The following ARID1B variants were observed in gnomAD, a reference collection of about 807,000 sequenced individuals.
ARID1B encodes the protein AT-rich interaction domain 1B, also known as AT-rich interactive domain-containing protein 1B.
ARID1B carries 30 observed loss-of-function variants against 212.3 expected under a neutral mutation model. That is an observed-to-expected ratio of 0.14 (90% CI 0.11 to 0.19). The LOEUF (loss-of-function observed/expected upper bound fraction) is 0.19. ARID1B is among the 10% of genes least tolerant of loss of function. The probability of loss-of-function intolerance (pLI) is 1.00; values close to 1 mark genes in which losing one functional copy is unlikely to be tolerated. For missense variants in ARID1B, 2,891 were observed against 3,204.0 expected (o/e 0.90, Z 2.36); for synonymous variants, 1,402 against 1,301.7 (o/e 1.08, Z -1.66).
At chr6:156,914,564 T>C (rs1272094958) in intron 3 of ARID1B, among the ~76,000 whole-genome samples, 1 of 152,222 alleles carries the variant, frequency 6.6e-6, no homozygotes, top group African/African-American at 2.4e-5. Context: ...CCCTCTTTTT[T>C]TGTGGCTCTA....
chr6:157,003,793 G>A (rs1413746271), intron 4 of ARID1B, among the ~76,000 whole-genome samples: 3 of 152,106 alleles, frequency 2.0e-5, no homozygotes, highest in African/African-American at 7.2e-5. Flanking sequence ...GGCTGAAACA[G>A]TCCTCCTGCC....
chr6:156,994,579 A>C (rs554704942), intron 4 of ARID1B, among the ~76,000 whole-genome samples: 1 of 152,290 alleles, frequency 6.6e-6, no homozygotes, highest in East Asian at 1.9e-4. Flanking sequence ...GGCAGCTTAA[A>C]AAAAAAAAGC....
chr6:157,143,440 G>C (rs1388078207), intron 7 of ARID1B, among the ~76,000 whole-genome samples: 1 of 150,284 alleles, frequency 6.7e-6, no homozygotes, highest in Non-Finnish European at 1.5e-5. Flanking sequence ...GAGTAGTTGG[G>C]GGGGGCATGA....
chr6:157,190,231 A>C lies in ARID1B; in HGVS notation c.4231+21A>C, dbSNP rs1177225537. On this transcript the variant is annotated intron_variant, in intron 15 of 19. Coordinates refer to ENST00000636930, the MANE Select transcript of ARID1B (RefSeq NM_001374828.1). This position sits in a 1 kb window ranked among gnomAD's most constrained non-coding sequence, Gnocchi z 4.6. ...AAAAGGTACGTGTAGAGGGGCCTCC[A>C]CCCGGCCATGGACCAGTGGGCATTC... 2 of 1,593,128 alleles carry C rather than the reference A, an allele frequency of 1.3e-6. No homozygotes were observed. Among genetic ancestry groups the C allele is most frequent in the Non-Finnish European group, 1.7e-6 (2 of 1,173,116 alleles).
chr6:156,977,821 G>A (rs1446131308), intron 4 of ARID1B, among the ~76,000 whole-genome samples: 1 of 152,068 alleles, frequency 6.6e-6, no homozygotes, highest in Non-Finnish European at 1.5e-5. Context: ...TTTAGTCTGG[G>A]ACCCAGGCAT....
At chr6:156,950,319 T>G (rs890913675) in intron 4 of ARID1B, among the ~76,000 whole-genome samples, 2 of 152,180 alleles carry the variant, frequency 1.3e-5, no homozygotes, top group Admixed American at 1.3e-4. Context: ...ATAACCGTAA[T>G]AGGAGCAACC....
chr6:157,015,547 C>T (rs935614521), intron 4 of ARID1B, among the ~76,000 whole-genome samples: 4 of 152,036 alleles, frequency 2.6e-5, no homozygotes, highest in African/African-American at 7.2e-5. Context: ...AAGAAAAGTG[C>T]GAAGACTGTC....
At chr6:157,025,563 A>G (rs1780605985) in intron 4 of ARID1B, among the ~76,000 whole-genome samples, 1 of 148,342 alleles carries the variant, frequency 6.7e-6, no homozygotes, top group African/African-American at 2.6e-5. Flanking sequence ...GGAATCATAC[A>G]GTGGGTGGCC....
At chr6:156,951,659 G>A (rs1562506604) in intron 4 of ARID1B, among the ~76,000 whole-genome samples, 1 of 151,996 alleles carries the variant, frequency 6.6e-6, no homozygotes, top group East Asian at 1.9e-4. Context: ...TAGCCAGGAT[G>A]GTCTCAATCT....
chr6:156,978,995 AT>A (rs1189211043), intron 4 of ARID1B, among the ~76,000 whole-genome samples: 3 of 152,182 alleles, frequency 2.0e-5, no homozygotes, highest in African/African-American at 7.2e-5. Flanking sequence ...TTTTAATGCT[AT>A]TGAATTGCTT....
At chr6:156,894,886 G>A (rs575938425) in intron 2 of ARID1B, among the ~76,000 whole-genome samples, 3 of 152,318 alleles carry the variant, frequency 2.0e-5, no homozygotes, top group Admixed American at 2.0e-4. Flanking sequence ...TCCATTGACT[G>A]TGGTGTGTGA....
At chr6:157,194,635 T>C (rs980488737) in intron 15 of ARID1B, 5 of 152,254 alleles carry the variant, frequency 3.3e-5, no homozygotes, top group Non-Finnish European at 7.3e-5. Context: ...GAAATAGTTG[T>C]ATTTCATCCC....
At chr6:156,823,298 G>A (rs1782498744) in intron 1 of ARID1B, among the ~76,000 whole-genome samples, 1 of 152,146 alleles carries the variant, frequency 6.6e-6, no homozygotes, top group African/African-American at 2.4e-5. Context: ...TTATAGCGCT[G>A]ATGAATTTAA....
At chr6:157,053,961 A>G (rs888362570) in intron 4 of ARID1B, among the ~76,000 whole-genome samples, 5 of 152,180 alleles carry the variant, frequency 3.3e-5, no homozygotes, top group Admixed American at 2.0e-4. Flanking sequence ...ACAGGGGCTC[A>G]TGCCTGTAAT....
chr6:157,176,739 G>A (rs1161347887), intron 11 of ARID1B, among the ~76,000 whole-genome samples: 6 of 152,102 alleles, frequency 3.9e-5, no homozygotes, highest in African/African-American at 2.4e-5. Context: ...CCAGCTACTC[G>A]GGAGGCTGAG....
At chr6:157,156,678 AC>A (rs1297304131) in intron 8 of ARID1B, among the ~76,000 whole-genome samples, 1 of 152,048 alleles carries the variant, frequency 6.6e-6, no homozygotes, top group Non-Finnish European at 1.5e-5. Flanking sequence ...GCCGCTGTAC[AC>A]CCTCACCCAG....
At chr6:157,131,069 C>A (rs756187208) in intron 6 of ARID1B, among the ~76,000 whole-genome samples, 2 of 152,268 alleles carry the variant, frequency 1.3e-5, no homozygotes, top group South Asian at 2.1e-4. Context: ...CCTGGCCTTC[C>A]AGTGATGCAT....
intron 3 of ARID1B, among the ~76,000 whole-genome samples, chr6:156,914,316 TG>T (rs1363978559): frequency 6.6e-6 from 1 of 152,190 alleles, no homozygotes; most frequent in African/African-American, 2.4e-5. Context: ...AAGCCTCCAG[TG>T]TTCTGTTATT....
At chr6:157,194,153 G>C (rs2128349421) in intron 15 of ARID1B, 1 of 152,166 alleles carries the variant, frequency 6.6e-6, no homozygotes, top group Non-Finnish European at 1.5e-5. Context: ...TTATGTGTTT[G>C]CCCATTTTTA....
Sources: allele counts gnomAD v4.1 joint callset (sites outside exome capture counted in the v4.1 genomes callset), GRCh38; gene constraint gnomAD v4.1.1; non-coding constraint Gnocchi (gnomAD v3.1); transcripts MANE v1.5; gene names NCBI Gene and HGNC (gene_info 2026-07-23, HGNC 2026-07-21).